Variants in HAUS2 observed in about 807,000 individuals in gnomAD.
HAUS2 encodes HAUS augmin-like complex subunit 2.
A neutral mutation model predicts 21.6 loss-of-function variants in HAUS2; 20 were observed. The observed-to-expected ratio is 0.93, with a 90% CI of 0.65 to 1.35. HAUS2 has a LOEUF of 1.35. Among genes scored for constraint, HAUS2 ranks in the 40% most tolerant of loss-of-function variants. HAUS2 has a pLI of 0.00. For synonymous variants in HAUS2, 113 were observed against 95.6 expected, an observed-to-expected ratio of 1.18 and a Z score of -1.06; for missense variants, 297 against 280.7, an observed-to-expected ratio of 1.06 and a Z score of -0.42.
At position 42,558,307 on chromosome 15, in the gene HAUS2, T is replaced by C. The variant is rs560924378; in HGVS notation, c.186+17T>C. 25 of 913,048 alleles carry C rather than the reference T, an allele frequency of 2.7e-5. No homozygotes were observed. The African/African-American group carries it at 3.9e-4, about 14-fold the overall frequency. 56.6% of individuals were successfully genotyped at this position (913,048 alleles called of 1,614,324 possible). ...ATCTACCAGGTAAATCATTTTGTTT[T>C]CACTTTCTTTTTTTTTTTTTTTTTT... is the stretch of plus-strand genomic sequence containing the variant. On this transcript the variant is annotated intron_variant, in intron 2 of 5. Transcript: ENST00000260372.
rs766840791 is a variant in HAUS2 at position 42,566,737 on chromosome 15, A to C, written c.629A>C (p.Tyr210Ser). 1.9e-6 allele frequency: 3 copies of C among 1,559,624 alleles called. No individual in the cohort carries two copies. Among genetic ancestry groups the C allele is most frequent in the Non-Finnish European group, 2.7e-6 (3 of 1,130,522 alleles). ...CCCAAAATATTAGCTGAAGAAAGTTATCTTTATAAACATGATATTATAATG... is the reference window on the plus strand; with the variant it reads ...CCCAAAATATTAGCTGAAGAAAGTTCTCTTTATAAACATGATATTATAATG... ...CIPKILAEES[Y>S]LYKHDIIMPP... Residue 210 changes from tyrosine to serine, a missense_variant, in exon 6 of 6, where the codon TAT (tyrosine) becomes TCT (serine). Transcript: ENST00000260372.
At chr15:42,553,603 GA>G (rs761653623) in intron 1 of HAUS2, among the ~76,000 whole-genome samples, 4 of 151,942 alleles carry the variant, frequency 2.6e-5, no homozygotes. Flanking sequence ...CACTGCACCT[GA>G]CCCTCTTTCT....
At chr15:42,553,415 A>G (rs1263690477) in intron 1 of HAUS2, among the ~76,000 whole-genome samples, 1 of 152,008 alleles carries the variant, frequency 6.6e-6, no homozygotes, top group East Asian at 1.9e-4. Context: ...TGTAATAGCA[A>G]TATATAGTAA....
rs773060193 is a variant in HAUS2 at position 42,566,855 on chromosome 15, T to A, written c.*39T>A. On this transcript the variant is annotated 3_prime_UTR_variant, in exon 6 of 6. Coordinates refer to ENST00000260372, the MANE Select transcript of HAUS2 (RefSeq NM_018097.3). ...TTTTGCTTAATTATGTGTAGTCATA[T>A]GAAGTCTATTTCTAGTTGACTGTAA... The A allele has an allele frequency of 3.1e-6, 3 of 955,610 alleles. No homozygotes were observed. The highest frequency in any genetic ancestry group is 2.7e-5 in the South Asian group (2 of 74,716). 59.2% of individuals were successfully genotyped at this position (955,610 alleles called of 1,614,324 possible).
At chr15:42,561,506 A>G (rs562091690) in intron 4 of HAUS2, 104 bp downstream of exon 4, 30 of 725,298 alleles carry the variant, frequency 4.1e-5, no homozygotes, top group Non-Finnish European at 6.5e-5. Flanking sequence ...TAGTGATTGT[A>G]TTTGTTAACA....
chr15:42,563,360 C>T (rs1334728148), intron 4 of HAUS2, among the ~76,000 whole-genome samples: 2 of 145,308 alleles, frequency 1.4e-5, no homozygotes, highest in East Asian at 2.0e-4. Flanking sequence ...TTCAGTGAGC[C>T]GAGATTGCAC....
chr15:42,555,614 T>C (rs1363406335), intron 1 of HAUS2, among the ~76,000 whole-genome samples: 2 of 152,196 alleles, frequency 1.3e-5, no homozygotes, highest in Admixed American at 6.5e-5. Context: ...CTGGTGGTTA[T>C]TGAGCATTTG....
intron 1 of HAUS2, among the ~76,000 whole-genome samples, chr15:42,557,485 A>G (rs956965090): frequency 1.1e-4 from 14 of 128,566 alleles, no homozygotes; most frequent in African/African-American, 3.8e-4. Flanking sequence ...TATTATATAT[A>G]ATATATACAT....
Position 42,566,648 on chromosome 15 carries a change from A to G in HAUS2, c.540A>G (p.Thr180=). The part of the protein sequence containing the change: ...LAKMDILVTE[T]EELAENILKW... ...AGATGGATATATTGGTGACTGAGAC[A>G]GAAGAACTGGCAGAGAATATACTCA... Residue 180 remains threonine, a synonymous_variant, in exon 6 of 6, where the codon ACA becomes ACG. Coordinates refer to ENST00000260372, the MANE Select transcript of HAUS2 (RefSeq NM_018097.3). The G allele has an allele frequency of 1.2e-6, 2 of 1,609,988 alleles. No homozygotes were observed. The highest frequency in any genetic ancestry group is 8.5e-7 in the Non-Finnish European group (1 of 1,176,304).
rs138937667 is a variant in HAUS2 at position 42,558,259 on chromosome 15, A to C, written c.155A>C (p.Gln52Pro). Reference protein sequence around the residue: ...SCFVNFTRLQQITNIQAEIYQ... With the variant: ...SCFVNFTRLQPITNIQAEIYQ... The stretch of plus-strand genomic sequence containing the variant: ...TTTGTGAACTTCACCAGACTACAGC[A>C]GATCACAAATATTCAAGCTGAAATC... Residue 52 changes from glutamine (Q) to proline (P), a missense_variant, in exon 2 of 6, where the codon CAG (glutamine) becomes CCG (proline). By Grantham distance (76) the Gln-to-Pro change is moderately conservative (BLOSUM62 -1). Coordinates refer to ENST00000260372, the MANE Select transcript of HAUS2 (RefSeq NM_018097.3). 1.5e-4 allele frequency: 216 copies of C among 1,474,606 alleles called. No homozygotes were observed. The African/African-American group carries it at 2.6e-3, about 18-fold the overall frequency. 91.3% of individuals were successfully genotyped at this position (1,474,606 alleles called of 1,614,324 possible).
chr15:42,559,063 A>G (rs376540796), intron 2 of HAUS2, among the ~76,000 whole-genome samples: 1 of 152,156 alleles, frequency 6.6e-6, no homozygotes, highest in African/African-American at 2.4e-5. Flanking sequence ...TAGTAGTTAC[A>G]GTAATAGTAG....
intron 1 of HAUS2, among the ~76,000 whole-genome samples, chr15:42,554,467 G>C (rs1325356907): frequency 6.7e-6 from 1 of 149,748 alleles, no homozygotes; most frequent in Non-Finnish European, 1.5e-5. Flanking sequence ...CTTCATTAGT[G>C]TTTTTATTTT....
At chr15:42,552,265 C>T (rs960024303) in intron 1 of HAUS2, among the ~76,000 whole-genome samples, 8 of 152,118 alleles carry the variant, frequency 5.3e-5, no homozygotes, top group Admixed American at 5.2e-4. Flanking sequence ...CTCAAATGAT[C>T]CACCCGCCTC....
intron 5 of HAUS2, among the ~76,000 whole-genome samples, chr15:42,565,215 A>G (rs1373210719): frequency 6.6e-6 from 1 of 152,230 alleles, no homozygotes; most frequent in Non-Finnish European, 1.5e-5. Flanking sequence ...GAGCAATGTG[A>G]GGAAAGACAT....
intron 1 of HAUS2, among the ~76,000 whole-genome samples, chr15:42,550,285 A>G (rs566656646): frequency 5.9e-4 from 44 of 74,698 alleles, no homozygotes; most frequent in Admixed American, 2.0e-3. Flanking sequence ...TGTCTCAGGG[A>G]AAAAAAAAAA....
At chr15:42,556,935 T>C (rs1424646759) in intron 1 of HAUS2, among the ~76,000 whole-genome samples, 1 of 151,592 alleles carries the variant, frequency 6.6e-6, no homozygotes, top group African/African-American at 2.4e-5. Context: ...TCCCAGCTAT[T>C]TGGGAAGCTA....
chr15:42,558,919 T>C (rs12148204), intron 2 of HAUS2, among the ~76,000 whole-genome samples: 1 of 151,906 alleles, frequency 6.6e-6, no homozygotes, highest in Non-Finnish European at 1.5e-5. Flanking sequence ...GTTTGGGCCA[T>C]TGCACTCCAG....
At chr15:42,557,954 A>T (rs1373307099) in intron 1 of HAUS2, among the ~76,000 whole-genome samples, 2 of 152,164 alleles carry the variant, frequency 1.3e-5, no homozygotes, top group African/African-American at 4.8e-5. Flanking sequence ...CTTAGGAAAT[A>T]ATACAAAGGG....
At position 42,561,284 on chromosome 15, in the gene HAUS2, A is replaced by T. The variant is rs757984073; in HGVS notation, c.271A>T (p.Thr91Ser). 1.3e-6 allele frequency: 2 copies of T among 1,553,936 alleles called. No individual in the cohort carries two copies. The highest frequency in any genetic ancestry group is 2.2e-5 in the East Asian group (1 of 44,570). Residue 91 changes from threonine to serine, a missense_variant, in exon 4 of 6, where the codon ACT becomes TCT. By Grantham distance (58) the Thr-to-Ser change is moderately conservative. Coordinates refer to ENST00000260372, the MANE Select transcript of HAUS2 (RefSeq NM_018097.3). Reference sequence around the variant, plus strand: ...AATTTGTATAGCTCAGAAGTGTCATACTCTGCAAAGCATGAATAATCATTT... The same window carrying T: ...AATTTGTATAGCTCAGAAGTGTCATTCTCTGCAAAGCATGAATAATCATTT... ...HPFFLAQKCH[T>S]LQSMNNHLEA... is the part of the protein sequence containing the mutation.
Sources: allele counts gnomAD v4.1 joint callset (sites outside exome capture counted in the v4.1 genomes callset), GRCh38; gene constraint gnomAD v4.1.1; transcripts MANE v1.5; gene names NCBI Gene and HGNC (gene_info 2026-07-23, HGNC 2026-07-21).